The following TAF1D variants were observed in gnomAD, a reference collection of about 807,000 sequenced individuals.
The protein encoded by TAF1D is TATA box-binding protein-associated factor RNA polymerase I subunit D.
Under a neutral mutation model 26.2 loss-of-function variants are expected in TAF1D, and 23 were observed. The ratio of observed to expected loss-of-function variants is 0.88; its 90% CI spans 0.63 to 1.25. The LOEUF is 1.25. Among genes scored for constraint, TAF1D ranks in the 50% most tolerant of loss-of-function variants. The pLI is 0.00. For missense variants in TAF1D, 299 were observed against 322.0 expected (o/e 0.93, Z 0.55); for synonymous variants, 100 against 105.6 (o/e 0.95, Z 0.33).
At chr11:93,736,361 T>C (rs1217726893) in intron 5 of TAF1D, 57 bp from the exon 6 acceptor site, 1 of 1,531,776 alleles carries the variant, frequency 6.5e-7, no homozygotes, top group South Asian at 1.3e-5. Flanking sequence ...AGTTTAGTAA[T>C]TACATATAGC....
downstream of TAF1D, chr11:93,733,107 A>C: frequency 2.5e-6 from 1 of 396,642 alleles, no homozygotes; most frequent in Non-Finnish European, 5.0e-6. Flanking sequence ...GAATGAGTTC[A>C]AATCACATTC....
downstream of TAF1D, chr11:93,731,045 T>C: frequency 1.9e-6 from 1 of 519,194 alleles, no homozygotes; most frequent in Non-Finnish European, 3.8e-6. Flanking sequence ...AATTTTTTTA[T>C]GGTCATGTCC....
Position 93,736,724 on chromosome 11 carries a change from A to C in TAF1D, c.663T>G (p.Leu221=), listed in dbSNP as rs933333388. 1.2e-6 allele frequency: 2 copies of C among 1,611,296 alleles called. No homozygotes were observed. The highest frequency in any genetic ancestry group is 1.7e-5 in the Admixed American group (1 of 59,162). ...ATTTGATATCACATTCGTTATCTTC[A>C]AGATGTGTTGCATCCTCATCCTCTG... ...STAEDEDATH[L]EDNECDIKLA... Residue 221 remains leucine (L), a synonymous_variant, in exon 5 of 6, where the codon CTT becomes CTG. Coordinates refer to ENST00000448108, the MANE Select transcript of TAF1D (RefSeq NM_024116.4).
Position 93,736,319 on chromosome 11 carries a change from C to G in TAF1D, c.694-15G>C, listed in dbSNP as rs1178699067. 1 of 1,584,156 alleles carries G rather than the reference C, an allele frequency of 6.3e-7. No homozygotes were observed. The highest frequency in any genetic ancestry group is 8.5e-7 in the Non-Finnish European group (1 of 1,171,116). On this transcript the variant is annotated splice_polypyrimidine_tract_variant and intron_variant, in intron 5 of 5. Transcript: ENST00000448108. ...AAACTATCCCCCTGCATAAAACAAA[C>G]AAAAAATCATGGATTAAGCAATAAC...
At chr11:93,736,864 A>C in intron 4 of TAF1D, 113 bp from the exon 5 acceptor site, 1 of 1,291,140 alleles carries the variant, frequency 7.7e-7, no homozygotes, top group Non-Finnish European at 1.1e-6. Flanking sequence ...GGAAACACAA[A>C]ATTTGAGAAT....
In TAF1D at chr11:93,738,412, A is replaced by G; in HGVS notation, c.156T>C (p.Phe52=). Residue 52 remains phenylalanine, a synonymous_variant, in exon 3 of 6, where the codon TTT becomes TTC. Coordinates refer to ENST00000448108, the MANE Select transcript of TAF1D (RefSeq NM_024116.4). ...CGTGAACACTTTCAGGTGTACGAAC[A>G]AATTTTCGAATGGGGTTTCTTTTCT... The part of the protein sequence containing the change: ...KGEKRNPIRK[F]VRTPESVHAS... 5 of 1,613,308 alleles carry G rather than the reference A, an allele frequency of 3.1e-6. 1 individual carries two copies. In the South Asian group the frequency reaches 5.5e-5, roughly 18 times the overall value.
At chr11:93,733,669 C>G (rs2155249), downstream of TAF1D, 5 of 476,636 alleles carry the variant, frequency 1.0e-5, no homozygotes, top group Admixed American at 1.1e-4. Flanking sequence ...TCGTGTGATT[C>G]TTGCTGAATC....
At position 93,738,255 on chromosome 11, in the gene TAF1D, G is replaced by A; in HGVS notation, c.313C>T (p.Pro105Ser). The change falls in exon 3 of 6, where the codon CCA becomes TCA. Residue 105 changes from proline (P) to serine (S), a missense_variant. By Grantham distance (74) the Pro-to-Ser change is moderately conservative. Coordinates refer to ENST00000448108, the MANE Select transcript of TAF1D (RefSeq NM_024116.4). ...KKRRYQPTGRPRGRPEGRRNP... is the reference protein window; with the variant it reads ...KKRRYQPTGRSRGRPEGRRNP... Reference sequence around the variant, plus strand: ...CTCCTTCCTTCTGGTCTTCCCCGTGGTCTTCCTGTTGGCTGGTACCTCCTC... The same window carrying A: ...CTCCTTCCTTCTGGTCTTCCCCGTGATCTTCCTGTTGGCTGGTACCTCCTC... The A allele has an allele frequency of 6.2e-7, 1 of 1,612,732 alleles. No individual in the cohort carries two copies. Among genetic ancestry groups the A allele is most frequent in the East Asian group, 2.2e-5 (1 of 44,862 alleles).
downstream of TAF1D, chr11:93,732,655 C>T: frequency 3.3e-6 from 1 of 305,788 alleles, no homozygotes; most frequent in South Asian, 2.9e-5. Context: ...ACATTTTAAG[C>T]TACAACTCTA....
chr11:93,733,006 T>C (rs1939618096), downstream of TAF1D: 4 of 333,458 alleles, frequency 1.2e-5, no homozygotes, highest in Non-Finnish European at 2.3e-5. Flanking sequence ...TTCTGTGTTA[T>C]ACCTGAAATA....
Position 93,738,089 on chromosome 11 carries a change from T to C in TAF1D, c.459+20A>G. 3 of 1,531,502 alleles carry C rather than the reference T, an allele frequency of 2.0e-6. No homozygotes were observed. Among genetic ancestry groups the C allele is most frequent in the Non-Finnish European group, 2.6e-6 (3 of 1,148,202 alleles). 94.9% of individuals were successfully genotyped at this position (1,531,502 alleles called of 1,614,324 possible). ...GCATCTTGAGTTATGTGTAGCCATG[T>C]ATGTAAAATGCTGACTCACCTCAAA... On this transcript the variant is annotated intron_variant, in intron 3 of 5. Transcript: ENST00000448108.
At chr11:93,731,413 C>T (rs1332509904), downstream of TAF1D, 1 of 482,350 alleles carries the variant, frequency 2.1e-6, no homozygotes, top group African/African-American at 2.0e-5. Context: ...CCATTCATAT[C>T]CGAATTTGCT....
downstream of TAF1D, chr11:93,731,546 T>C (rs767941306): frequency 1.9e-6 from 1 of 518,888 alleles, no homozygotes; most frequent in Admixed American, 1.9e-5. Flanking sequence ...TCAGAGCAGT[T>C]GAACATTTCG....
rs1182338175 is a variant in TAF1D, at chr11:93,730,554, G to A, written c.*897C>T. On this transcript the variant is annotated 3_prime_UTR_variant and NMD_transcript_variant, in exon 12 of 12. Coordinates refer to the TAF1D transcript ENST00000323981. ...GAAAACATAGCACCAAACATTAGGA[G>A]TGCTATGGCTTCCTATAGAGAACTT... The A allele has an allele frequency of 4.8e-6, 3 of 630,418 alleles. No individual in the cohort carries two copies. In the African/African-American group the frequency reaches 5.4e-5, roughly 11 times the overall value. 39.1% of individuals were successfully genotyped at this position (630,418 alleles called of 1,614,324 possible).
chr11:93,733,506 C>G (rs765578581), downstream of TAF1D: 2 of 518,922 alleles, frequency 3.9e-6, no homozygotes, highest in Non-Finnish European at 7.7e-6. Flanking sequence ...AACAATAGTC[C>G]TGTGAGTAAA....
downstream of TAF1D, chr11:93,731,616 C>CT (rs565938529): frequency 6.8e-4 from 348 of 513,244 alleles, 2 homozygotes; most frequent in African/African-American, 2.5e-3. Context: ...AAGCCTAGTC[C>CT]TTTTTTTTAC....
downstream of TAF1D, chr11:93,732,044 C>A (rs955109333): frequency 3.9e-6 from 2 of 518,654 alleles, no homozygotes; most frequent in African/African-American, 1.9e-5. Flanking sequence ...AATATGCATA[C>A]TGTGATGGAA....
chr11:93,739,979 AAAAG>A (rs1330093368), intron 1 of TAF1D, among the ~76,000 whole-genome samples: 11 of 149,914 alleles, frequency 7.3e-5, no homozygotes, highest in African/African-American at 2.7e-4. Flanking sequence ...AAAAAAAAAA[AAAAG>A]AAAAAGATTC....
At chr11:93,730,597 G>A (rs777967025), downstream of TAF1D, 45 of 587,028 alleles carry the variant, frequency 7.7e-5, no homozygotes, top group East Asian at 8.1e-5. Context: ...TGGTCACAGC[G>A]TTAAGAGCTC....
Sources: gnomAD v4.1 joint callset for allele counts (sites outside exome capture counted in the v4.1 genomes callset) on GRCh38, gnomAD v4.1.1 for gene constraint, MANE v1.5 for transcripts, NCBI Gene and HGNC (gene_info 2026-07-23, HGNC 2026-07-21) for gene names.